GPC5: variants seen among roughly 807,000 people sequenced by gnomAD.
GPC5 encodes the protein glypican 5.
A neutral mutation model predicts 53.9 loss-of-function variants in GPC5; 47 were observed. The observed-to-expected ratio is 0.87, with a 90% confidence interval of 0.69 to 1.11. The LOEUF is 1.11. Ranked by LOEUF, GPC5 falls within the 50% of genes most tolerant of loss-of-function variation. The probability of loss-of-function intolerance (pLI) is 0.00; values close to 1 mark genes in which losing one functional copy is unlikely to be tolerated. For synonymous variants in GPC5, 286 were observed against 263.3 expected (o/e 1.09, Z -0.84); for missense variants, 748 against 713.1 (o/e 1.05, Z -0.56).
intron 7 of GPC5, among the ~76,000 whole-genome samples, chr13:92,156,632 G>A (rs116515144): frequency 0.012 from 1,833 of 152,162 alleles, 54 homozygotes; most frequent in African/African-American, 0.041. Context: ...GTATCCATGT[G>A]ATTTTAATTT....
intron 7 of GPC5, among the ~76,000 whole-genome samples, chr13:92,754,138 A>G (rs1874732432): frequency 6.6e-6 from 1 of 152,234 alleles, no homozygotes. Flanking sequence ...CTCTCGGCAG[A>G]AACCCTACAA....
chr13:91,831,042 A>G (rs1224511997), intron 5 of GPC5, among the ~76,000 whole-genome samples: 2 of 138,498 alleles, frequency 1.4e-5, no homozygotes, highest in African/African-American at 2.7e-5. Context: ...TATTATATAT[A>G]TTATATATAT....
intron 7 of GPC5, among the ~76,000 whole-genome samples, chr13:92,570,935 A>G (rs1463919471): frequency 6.6e-6 from 1 of 152,150 alleles, no homozygotes; most frequent in Non-Finnish European, 1.5e-5. Context: ...AAATTGCCAA[A>G]AGCCACATAG....
chr13:92,226,735 A>G (rs1164346003), intron 7 of GPC5, among the ~76,000 whole-genome samples: 1 of 150,642 alleles, frequency 6.6e-6, no homozygotes, highest in African/African-American at 2.4e-5. Context: ...AGCAGCTGGG[A>G]TTACAGGCGC....
At chr13:91,484,188 C>T (rs1001134859) in intron 2 of GPC5, among the ~76,000 whole-genome samples, 1 of 152,054 alleles carries the variant, frequency 6.6e-6, no homozygotes, top group African/African-American at 2.4e-5. Flanking sequence ...TGCATTGAAG[C>T]GAGGACTTTG....
At chr13:91,596,487 T>C (rs1227609451) in intron 2 of GPC5, among the ~76,000 whole-genome samples, 1 of 152,238 alleles carries the variant, frequency 6.6e-6, no homozygotes, top group Non-Finnish European at 1.5e-5. Context: ...TATTGGTTTT[T>C]CTTTTGATTA....
intron 6 of GPC5, among the ~76,000 whole-genome samples, chr13:92,094,520 C>CAAAAA (rs71200562): frequency 1.8e-4 from 12 of 68,192 alleles, no homozygotes; most frequent in Non-Finnish European, 1.8e-4. Context: ...GACTCCGTCT[C>CAAAAA]AAAAAAAAAA....
chr13:92,129,643 C>T (rs2041727585), intron 6 of GPC5, among the ~76,000 whole-genome samples: 1 of 152,086 alleles, frequency 6.6e-6, no homozygotes, highest in South Asian at 2.1e-4. Flanking sequence ...AGATTTAAAT[C>T]TATAAAAAAT....
chr13:91,453,785 C>G (rs1881352217), intron 2 of GPC5, among the ~76,000 whole-genome samples: 1 of 151,784 alleles, frequency 6.6e-6, no homozygotes, highest in Non-Finnish European at 1.5e-5. Flanking sequence ...CTCTCTCCTC[C>G]CTCCCTCCTC....
chr13:92,585,913 G>A (rs1883523590), intron 7 of GPC5, among the ~76,000 whole-genome samples: 2 of 152,192 alleles, frequency 1.3e-5, no homozygotes, highest in African/African-American at 4.8e-5. Flanking sequence ...ATGATTGTGA[G>A]ACTTCCCCAG....
chr13:92,511,975 G>A (rs961652955), intron 7 of GPC5, among the ~76,000 whole-genome samples: 3 of 151,974 alleles, frequency 2.0e-5, no homozygotes, highest in Non-Finnish European at 4.4e-5. Context: ...GTGAAGTTCT[G>A]GGTGTCCCGA....
At chr13:91,465,900 C>T (rs1882207439) in intron 2 of GPC5, among the ~76,000 whole-genome samples, 1 of 152,136 alleles carries the variant, frequency 6.6e-6, no homozygotes, top group African/African-American at 2.4e-5. Flanking sequence ...AAAATAACAG[C>T]TTCATCTAAA....
In GPC5 at chr13:92,126,243, G is replaced by A. The variant is rs549573856; in HGVS notation, c.1402-18587G>A. Among the ~76,000 whole-genome samples, 6 of 151,908 alleles carry A rather than the reference G, an allele frequency of 3.9e-5. No homozygotes were observed. The South Asian group carries it at 6.2e-4, about 16-fold the overall frequency. On this transcript the variant is annotated intron_variant, in intron 6 of 7. Transcript: ENST00000377067. Reference sequence around the variant, plus strand: ...GCTGGGATTACAGGCATGAGCCACCGCACCTGGCCAAAATATTTCATCAGA... The same window carrying A: ...GCTGGGATTACAGGCATGAGCCACCACACCTGGCCAAAATATTTCATCAGA...
chr13:92,676,416 C>T (rs1238139313), intron 7 of GPC5, among the ~76,000 whole-genome samples: 1 of 152,032 alleles, frequency 6.6e-6, no homozygotes, highest in Non-Finnish European at 1.5e-5. Context: ...ATTGCCATCA[C>T]AGTAAGATAT....
At chr13:92,504,832 C>A (rs1880310987) in intron 7 of GPC5, among the ~76,000 whole-genome samples, 1 of 151,800 alleles carries the variant, frequency 6.6e-6, no homozygotes, top group Non-Finnish European at 1.5e-5. Context: ...AAAATTAGCT[C>A]TAAATTGATC....
chr13:92,835,054 T>C (rs1344134276), intron 7 of GPC5, among the ~76,000 whole-genome samples: 1 of 151,988 alleles, frequency 6.6e-6, no homozygotes, highest in Non-Finnish European at 1.5e-5. Context: ...CAACCAAGAG[T>C]TGAGCCTCCA....
intron 7 of GPC5, among the ~76,000 whole-genome samples, chr13:92,184,597 G>A (rs560384987): frequency 7.2e-5 from 11 of 152,066 alleles, no homozygotes; most frequent in African/African-American, 2.7e-4. Context: ...ATTAAACATT[G>A]GTTGTTCTGG....
At chr13:92,120,131 C>G (rs2041636811) in intron 6 of GPC5, among the ~76,000 whole-genome samples, 2 of 152,192 alleles carry the variant, frequency 1.3e-5, no homozygotes, top group African/African-American at 4.8e-5. Context: ...GAGGGAAGTA[C>G]AAGTCATTAT....
chr13:91,550,536 C>T (rs2030571855), intron 2 of GPC5, among the ~76,000 whole-genome samples: 1 of 151,980 alleles, frequency 6.6e-6, no homozygotes, highest in African/African-American at 2.4e-5. Flanking sequence ...TATATTGGTA[C>T]AAGAGTTAAG....
Sources: allele counts gnomAD v4.1 joint callset (sites outside exome capture counted in the v4.1 genomes callset), GRCh38; gene constraint gnomAD v4.1.1; transcripts MANE v1.5; gene names NCBI Gene and HGNC (gene_info 2026-07-23, HGNC 2026-07-21).